Variants in SEMA6D observed in about 807,000 individuals in gnomAD.
SEMA6D encodes the protein semaphorin-6D.
SEMA6D carries 35 observed loss-of-function variants against 106.6 expected under a neutral mutation model. The observed-to-expected ratio is 0.33, with a 90% CI of 0.25 to 0.44. SEMA6D has a LOEUF of 0.44. Among genes scored for constraint, SEMA6D ranks in the 20% least tolerant of loss-of-function variants. The probability of loss-of-function intolerance (pLI) is 1.00; values close to 1 mark genes in which losing one functional copy is unlikely to be tolerated. For missense variants in SEMA6D, 1,185 were observed against 1,345.9 expected (o/e 0.88, Z 1.87); for synonymous variants, 499 against 487.7 (o/e 1.02, Z -0.31).
At chr15:47,309,165 G>T (rs2036345229) in intron 1 of SEMA6D, among the ~76,000 whole-genome samples, 1 of 152,248 alleles carries the variant, frequency 6.6e-6, no homozygotes, top group African/African-American at 2.4e-5. Context: ...CCCCATCAGT[G>T]GTTTTGCTTT....
At chr15:47,531,737 G>T (rs1179195580) in intron 3 of SEMA6D, among the ~76,000 whole-genome samples, 3 of 152,146 alleles carry the variant, frequency 2.0e-5, no homozygotes, top group Admixed American at 2.0e-4. Flanking sequence ...CAGTGGGAGA[G>T]AAAGCTCTGG....
intron 4 of SEMA6D, among the ~76,000 whole-genome samples, chr15:47,685,622 G>A (rs574987416): frequency 2.0e-5 from 3 of 152,282 alleles, no homozygotes; most frequent in South Asian, 4.1e-4. Flanking sequence ...CACAGAGCAA[G>A]CCACATCACC....
At chr15:47,718,167 G>A (rs922407238) in intron 1 of SEMA6D, among the ~76,000 whole-genome samples, 3 of 152,218 alleles carry the variant, frequency 2.0e-5, no homozygotes, top group Non-Finnish European at 4.4e-5. Context: ...GCGTCTCCAG[G>A]AGCCAGCCGG....
chr15:47,765,212 T>G, intron 13 of SEMA6D, 156 bp downstream of exon 13: 2 of 1,414,718 alleles, frequency 1.4e-6, no homozygotes, highest in Non-Finnish European at 1.8e-6. Context: ...TTGGGTTTGT[T>G]TTTTTCCCGA....
chr15:47,277,320 T>C (rs1442961415), intron 1 of SEMA6D, among the ~76,000 whole-genome samples: 1 of 152,120 alleles, frequency 6.6e-6, no homozygotes, highest in East Asian at 1.9e-4. Context: ...TAGAATGCTA[T>C]CAAATTACAT....
chr15:47,641,265 G>C (rs1243237194), intron 4 of SEMA6D, among the ~76,000 whole-genome samples: 1 of 152,158 alleles, frequency 6.6e-6, no homozygotes, highest in African/African-American at 2.4e-5. Context: ...GCTTTAAGCA[G>C]ATTTTAAAAA....
intron 4 of SEMA6D, among the ~76,000 whole-genome samples, chr15:47,622,070 AACTCACCTAGG>A (rs889070934): frequency 1.3e-5 from 2 of 152,074 alleles, no homozygotes; most frequent in African/African-American, 4.8e-5. Flanking sequence ...CAGGACCAAA[AACTCACCTAGG>A]ACTCATCAGG....
At chr15:47,415,582 G>T (rs1037994597) in intron 2 of SEMA6D, among the ~76,000 whole-genome samples, 2 of 151,744 alleles carry the variant, frequency 1.3e-5, no homozygotes, top group Non-Finnish European at 2.9e-5. Context: ...TACAATCCAG[G>T]TTTTTTTTAG....
intron 1 of SEMA6D, among the ~76,000 whole-genome samples, chr15:47,733,425 T>A (rs1357885490): frequency 6.6e-6 from 1 of 152,234 alleles, no homozygotes; most frequent in African/African-American, 2.4e-5. Context: ...ACCTAGATTT[T>A]CAATATTTGA....
At chr15:47,610,707 G>A (rs1455499543) in intron 4 of SEMA6D, among the ~76,000 whole-genome samples, 1 of 152,004 alleles carries the variant, frequency 6.6e-6, no homozygotes, top group East Asian at 1.9e-4. Flanking sequence ...CTTAATATAA[G>A]TAGCAATACT....
intron 1 of SEMA6D, among the ~76,000 whole-genome samples, chr15:47,322,794 C>T (rs1417024942): frequency 6.6e-6 from 1 of 152,102 alleles, no homozygotes; most frequent in African/African-American, 2.4e-5. Context: ...GTGATATTTC[C>T]CAAATGGTGA....
chr15:47,479,017 T>G (rs1307100255), intron 3 of SEMA6D, among the ~76,000 whole-genome samples: 3 of 151,912 alleles, frequency 2.0e-5, no homozygotes, highest in Non-Finnish European at 4.4e-5. Flanking sequence ...TTCAATTGCC[T>G]CCAACCTGGT....
At chr15:47,288,673 G>C (rs759142388) in intron 1 of SEMA6D, among the ~76,000 whole-genome samples, 9 of 152,100 alleles carry the variant, frequency 5.9e-5, no homozygotes, top group Non-Finnish European at 1.3e-4. Flanking sequence ...AATGAGAGGA[G>C]TAGTGGGCAA....
chr15:47,482,335 G>C, intron 3 of SEMA6D, among the ~76,000 whole-genome samples: 1 of 152,228 alleles, frequency 6.6e-6, no homozygotes, highest in South Asian at 2.1e-4. Context: ...TGTATGAGCT[G>C]ATGAGGCATT....
At chr15:47,621,578 G>A (rs911377888) in intron 4 of SEMA6D, among the ~76,000 whole-genome samples, 8 of 151,966 alleles carry the variant, frequency 5.3e-5, no homozygotes, top group Non-Finnish European at 8.8e-5. Context: ...CACACTTTAC[G>A]TCACTTTCAC....
intron 1 of SEMA6D, among the ~76,000 whole-genome samples, chr15:47,195,828 G>A (rs1329256542): frequency 6.6e-6 from 1 of 152,122 alleles, no homozygotes; most frequent in Non-Finnish European, 1.5e-5. Flanking sequence ...CTTGTTGAAA[G>A]AACAGAATGT....
intron 4 of SEMA6D, among the ~76,000 whole-genome samples, chr15:47,618,614 G>A (rs765114343): frequency 2.1e-4 from 32 of 152,186 alleles, no homozygotes; most frequent in Non-Finnish European, 3.2e-4. Flanking sequence ...AAATAGTAGA[G>A]TTAATCTCCA....
intron 17 of SEMA6D, chr15:47,767,544 T>C (rs2082409943): frequency 6.6e-6 from 1 of 152,442 alleles, no homozygotes; most frequent in African/African-American, 2.4e-5. Context: ...CTTTGAATGG[T>C]TTGCGCTAAT....
chr15:47,202,350 G>T (rs560721716), intron 1 of SEMA6D, among the ~76,000 whole-genome samples: 1 of 152,104 alleles, frequency 6.6e-6, no homozygotes, highest in South Asian at 2.1e-4. Flanking sequence ...AGTTGGGCGG[G>T]TGGCCTCAAG....
Sources: allele counts gnomAD v4.1 joint callset (sites outside exome capture counted in the v4.1 genomes callset), GRCh38; gene constraint gnomAD v4.1.1; transcripts MANE v1.5; gene names NCBI Gene and HGNC (gene_info 2026-07-23, HGNC 2026-07-21).